The following BRCC3 variants were observed in gnomAD, a reference collection of about 807,000 sequenced individuals.
BRCC3 encodes lys-63-specific deubiquitinase BRCC36.
BRCC3 carries 15 observed loss-of-function variants against 28.0 expected under a neutral mutation model. The observed-to-expected ratio is 0.54, with a 90% CI of 0.36 to 0.82. The LOEUF (loss-of-function observed/expected upper bound fraction) is 0.82, where lower values mean the gene tolerates loss of function less well. BRCC3 is among the 40% of genes least tolerant of loss of function. The probability of loss-of-function intolerance (pLI) is 0.01; values close to 1 mark genes in which losing one functional copy is unlikely to be tolerated. For missense variants in BRCC3, 109 were observed against 225.9 expected, an observed-to-expected ratio of 0.48 and a Z score of 3.32; for synonymous variants, 66 against 80.3, an observed-to-expected ratio of 0.82 and a Z score of 0.95.
chrX:155,085,553 C>T (rs888887826), intron 5 of BRCC3, among the ~76,000 whole-genome samples: 4 of 112,412 alleles, frequency 3.6e-5, no homozygotes, highest in Admixed American at 1.9e-4. Flanking sequence ...GAGCATCTCT[C>T]GTGTACCAGG....
At position 155,081,336 on chromosome X, in the gene BRCC3, A is replaced by T. The variant is rs782040247; in HGVS notation, c.403+2633A>T. Among the ~76,000 whole-genome samples the T allele has an allele frequency of 9.2e-5, 10 of 108,791 alleles. No individual in the cohort carries two copies. The South Asian group carries it at 3.9e-3, about 43-fold the overall frequency. 94.5% of individuals were successfully genotyped at this position (108,791 alleles called of 115,157 possible). ...GACAGAGCGAGATTCTGTCTCAAAAAAAAAAAAAAAAAAGTACAGTAATGA... is the reference window on the plus strand; with the variant it reads ...GACAGAGCGAGATTCTGTCTCAAAATAAAAAAAAAAAAAGTACAGTAATGA... On this transcript the variant is annotated intron_variant, in intron 5 of 10. Transcript: ENST00000330045.
intron 5 of BRCC3, among the ~76,000 whole-genome samples, chrX:155,080,211 A>G (rs915990408): frequency 1.8e-5 from 2 of 111,937 alleles, no homozygotes; most frequent in South Asian, 7.3e-4. Context: ...TTACTGAACA[A>G]TTATTTTCAC....
chrX:155,118,274 A>T (rs1255325824), intron 9 of BRCC3, among the ~76,000 whole-genome samples: 4 of 108,977 alleles, frequency 3.7e-5, no homozygotes, highest in African/African-American at 1.3e-4. Flanking sequence ...AACAAAAAGG[A>T]CGCGTCTCAA....
Position 155,084,468 on chromosome X carries a change from T to C in BRCC3, c.404-4795T>C, listed in dbSNP as rs782655541. Among the ~76,000 whole-genome samples, 7 of 111,638 alleles carry C rather than the reference T, an allele frequency of 6.3e-5. No homozygotes were observed. In the East Asian group the frequency reaches 2.0e-3, roughly 32 times the overall value. ...AGCTCCGCCTCCCAGGTTCGCGCCA[T>C]TCTCCTGCCTCAGCCTCCTGAGTAG... On this transcript the variant is annotated intron_variant, in intron 5 of 10. Coordinates refer to ENST00000330045, the MANE Select transcript of BRCC3 (RefSeq NM_001018055.3).
intron 7 of BRCC3, among the ~76,000 whole-genome samples, chrX:155,099,082 C>G (rs952705926): frequency 1.8e-5 from 2 of 110,363 alleles, no homozygotes; most frequent in Admixed American, 9.6e-5. Context: ...TTTATTTATG[C>G]CTTGAATTCT....
intron 7 of BRCC3, among the ~76,000 whole-genome samples, chrX:155,096,338 G>A (rs1557296250): frequency 8.9e-6 from 1 of 112,225 alleles, no homozygotes; most frequent in African/African-American, 3.2e-5. Flanking sequence ...CCAGATAGAG[G>A]TGGTGGTTGT....
chrX:155,098,528 G>A (rs2074225547), intron 7 of BRCC3, among the ~76,000 whole-genome samples: 1 of 111,933 alleles, frequency 8.9e-6, no homozygotes, highest in Admixed American at 9.5e-5. Flanking sequence ...TGTAGGCCAG[G>A]TTGGCCTGGG....
intron 7 of BRCC3, among the ~76,000 whole-genome samples, chrX:155,108,409 T>G (rs5945289): frequency 0.33 from 36,255 of 111,069 alleles, 4,888 homozygotes; most frequent in African/African-American, 0.52. Context: ...TAAGCCTCTT[T>G]TTGCCCATGT....
At chrX:155,098,571 A>G (rs1345456770) in intron 7 of BRCC3, among the ~76,000 whole-genome samples, 1 of 112,356 alleles carries the variant, frequency 8.9e-6, no homozygotes, top group African/African-American at 3.2e-5. Flanking sequence ...TTATTGGAAT[A>G]TAGCCACATC....
intron 7 of BRCC3, among the ~76,000 whole-genome samples, chrX:155,108,215 T>C (rs1203975999): frequency 8.9e-6 from 1 of 112,037 alleles, no homozygotes; most frequent in African/African-American, 3.2e-5. Flanking sequence ...AATGGGAAAA[T>C]ACGGTAAGTA....
intron 7 of BRCC3, among the ~76,000 whole-genome samples, chrX:155,094,933 G>A (rs1230313609): frequency 5.3e-5 from 6 of 112,609 alleles, no homozygotes; most frequent in Non-Finnish European, 9.4e-5. Flanking sequence ...ATTAACAGAT[G>A]CCAACACTGA....
At chrX:155,116,215 C>G in intron 8 of BRCC3, 27 bp downstream of exon 8, 1 of 1,156,163 alleles carries the variant, frequency 8.6e-7, no homozygotes, top group South Asian at 1.9e-5. Context: ...CTCCTCTTCT[C>G]TACTTCTCAG....
chrX:155,074,401 T>G (rs1044054727), intron 3 of BRCC3, among the ~76,000 whole-genome samples: 2 of 112,091 alleles, frequency 1.8e-5, no homozygotes, highest in African/African-American at 3.2e-5. Context: ...TAATTCTACC[T>G]TCGGTGGATT....
chrX:155,113,977 T>C (rs145464369), intron 7 of BRCC3, among the ~76,000 whole-genome samples: 69 of 111,251 alleles, frequency 6.2e-4, no homozygotes, highest in African/African-American at 2.0e-3. Context: ...ATAACAAGTG[T>C]TGGTGGGAAT....
chrX:155,099,418 C>T (rs2074233465), intron 7 of BRCC3: 2 of 1,196,205 alleles, frequency 1.7e-6, no homozygotes, highest in South Asian at 1.8e-5. Context: ...GCCTGTCCCC[C>T]AGCTCAACTG....
chrX:155,115,010 T>TAAGAAC (rs782722650), intron 7 of BRCC3, among the ~76,000 whole-genome samples: 521 of 111,711 alleles, frequency 4.7e-3, no homozygotes, highest in Non-Finnish European at 7.7e-3. Context: ...AATACAATGA[T>TAAGAAC]AAGAACGATG....
intron 3 of BRCC3, among the ~76,000 whole-genome samples, chrX:155,074,374 C>G (rs1557293073): frequency 8.9e-6 from 1 of 112,148 alleles, no homozygotes; most frequent in African/African-American, 3.2e-5. Context: ...CAGTCAAACC[C>G]ACTGAGGTCT....
intron 7 of BRCC3, among the ~76,000 whole-genome samples, chrX:155,105,255 C>T (rs994959169): frequency 1.8e-5 from 2 of 111,329 alleles, no homozygotes; most frequent in African/African-American, 3.3e-5. Flanking sequence ...GGCCGAGGCG[C>T]GTGGATCACT....
intron 5 of BRCC3, among the ~76,000 whole-genome samples, chrX:155,082,054 G>A (rs2074089178): frequency 8.9e-6 from 1 of 111,902 alleles, no homozygotes; most frequent in South Asian, 3.7e-4. Flanking sequence ...AGAATAAGAT[G>A]TTACTAAGAC....
Sources: gnomAD v4.1 joint callset for allele counts (sites outside exome capture counted in the v4.1 genomes callset) on GRCh38, gnomAD v4.1.1 for gene constraint, MANE v1.5 for transcripts, NCBI Gene and HGNC (gene_info 2026-07-23, HGNC 2026-07-21) for gene names.